The following CEP126 variants were observed in gnomAD, a reference collection of about 807,000 sequenced individuals.
The protein encoded by CEP126 is centrosomal protein of 126 kDa.
Under a neutral mutation model 107.8 loss-of-function variants are expected in CEP126, and 74 were observed. The ratio of observed to expected loss-of-function variants is 0.69; its 90% CI spans 0.57 to 0.83. The LOEUF is 0.83. Among genes scored for constraint, CEP126 ranks in the 40% least tolerant of loss-of-function variants. CEP126 has a pLI of 0.00. For synonymous variants in CEP126, 449 were observed against 446.0 expected (o/e 1.01, Z -0.08); for missense variants, 1,237 against 1,281.9 (o/e 0.96, Z 0.53).
intron 2 of CEP126, among the ~76,000 whole-genome samples, chr11:101,936,680 G>A (rs1940583887): frequency 6.6e-6 from 1 of 152,120 alleles, no homozygotes; most frequent in Non-Finnish European, 1.5e-5. Context: ...CATTAACTAT[G>A]CTGCTAGCTA....
intron 10 of CEP126, among the ~76,000 whole-genome samples, chr11:101,995,509 G>C (rs1941431927): frequency 6.6e-6 from 1 of 152,152 alleles, no homozygotes; most frequent in Non-Finnish European, 1.5e-5. Flanking sequence ...CACTGGTCTA[G>C]AAACAGTGAT....
chr11:101,937,860 T>C (rs1002028076), intron 2 of CEP126, among the ~76,000 whole-genome samples: 12 of 152,062 alleles, frequency 7.9e-5, no homozygotes, highest in African/African-American at 2.9e-4. Context: ...TTTTAAGAAA[T>C]TGGTCCATTT....
chr11:101,937,121 T>A (rs1356100271), intron 2 of CEP126, among the ~76,000 whole-genome samples: 3 of 152,204 alleles, frequency 2.0e-5, no homozygotes, highest in Non-Finnish European at 4.4e-5. Flanking sequence ...TAATTTTATG[T>A]AATATTTTTA....
intron 6 of CEP126, among the ~76,000 whole-genome samples, chr11:101,965,212 A>T (rs1941045119): frequency 6.6e-6 from 1 of 152,230 alleles, no homozygotes; most frequent in Non-Finnish European, 1.5e-5. Flanking sequence ...ACAGTTGCCT[A>T]TTGAGAAATA....
chr11:101,943,301 A>G (rs1295418659), intron 2 of CEP126, among the ~76,000 whole-genome samples: 2 of 151,974 alleles, frequency 1.3e-5, no homozygotes, highest in Non-Finnish European at 2.9e-5. Flanking sequence ...CTATCGCCTG[A>G]AAGTATATAT....
chr11:101,942,464 C>T (rs1940678687), intron 2 of CEP126, among the ~76,000 whole-genome samples: 1 of 151,534 alleles, frequency 6.6e-6, no homozygotes, highest in Admixed American at 6.6e-5. Context: ...CTTTTCTATT[C>T]CATTAGTCTG....
intron 2 of CEP126, among the ~76,000 whole-genome samples, chr11:101,929,056 A>C (rs987163592): frequency 1.3e-5 from 2 of 152,206 alleles, no homozygotes; most frequent in African/African-American, 4.8e-5. Context: ...TTTTAATTCT[A>C]AATTTTTCAT....
chr11:101,984,508 G>GA, intron 8 of CEP126, among the ~76,000 whole-genome samples: 1 of 152,316 alleles, frequency 6.6e-6, no homozygotes, highest in South Asian at 2.1e-4. Context: ...GACCAATGAT[G>GA]AAATAGCCAA....
At chr11:101,923,311 CT>C (rs1940360382) in intron 2 of CEP126, among the ~76,000 whole-genome samples, 1 of 152,074 alleles carries the variant, frequency 6.6e-6, no homozygotes, top group Non-Finnish European at 1.5e-5. Flanking sequence ...GAAAAAGGAG[CT>C]TTCTAGGGTA....
chr11:101,986,425 A>G (rs1426182032), intron 8 of CEP126, among the ~76,000 whole-genome samples: 1 of 152,172 alleles, frequency 6.6e-6, no homozygotes, highest in Non-Finnish European at 1.5e-5. Context: ...CTGATCATCA[A>G]AGTTTCTAAT....
At chr11:101,974,468 T>G (rs995491156) in intron 6 of CEP126, among the ~76,000 whole-genome samples, 5 of 152,124 alleles carry the variant, frequency 3.3e-5, no homozygotes, top group African/African-American at 1.2e-4. Context: ...GGTTTTCAGC[T>G]CAGCATAAGG....
intron 1 of CEP126, among the ~76,000 whole-genome samples, chr11:101,917,241 T>C (rs1307124456): frequency 6.6e-6 from 1 of 152,148 alleles, no homozygotes; most frequent in Non-Finnish European, 1.5e-5. Context: ...AAGTACCTTT[T>C]ATATAAGTTT....
chr11:101,946,608 C>G (rs1940740210), intron 3 of CEP126, among the ~76,000 whole-genome samples: 2 of 152,066 alleles, frequency 1.3e-5, no homozygotes. Context: ...TACCTGTAAT[C>G]CCAGCACTTT....
In CEP126 at chr11:101,999,963, A is replaced by T. The variant is rs1234784595; in HGVS notation, c.*2320A>T. On this transcript the variant is annotated 3_prime_UTR_variant, in exon 11 of 11. Coordinates refer to ENST00000263468, the MANE Select transcript of CEP126 (RefSeq NM_020802.4). ...TTTGGGAGGCCAAGGCAGGCAGATC[A>T]TGAGGTCAAGAGATCAAGACCATCC... is the stretch of plus-strand genomic sequence containing the variant. 5 of 152,394 alleles carry T rather than the reference A, an allele frequency of 3.3e-5. No homozygotes were observed. The highest frequency in any genetic ancestry group is 7.3e-5 in the Non-Finnish European group (5 of 68,246). 9.4% of individuals were successfully genotyped at this position (152,394 alleles called of 1,614,324 possible). A position where few individuals can be genotyped will look rare whatever the true frequency, so the allele number is the denominator to read the frequency against.
At chr11:101,924,201 T>C (rs1217614418) in intron 2 of CEP126, among the ~76,000 whole-genome samples, 1 of 152,188 alleles carries the variant, frequency 6.6e-6, no homozygotes, top group East Asian at 1.9e-4. Flanking sequence ...TACCCTAAAG[T>C]GCAATGTAAA....
chr11:101,963,716 G>T lies in CEP126; in HGVS notation c.2681G>T (p.Gly894Val). The T allele has an allele frequency of 6.2e-7, 1 of 1,613,946 alleles. No homozygotes were observed. Among genetic ancestry groups the T allele is most frequent in the Non-Finnish European group, 8.5e-7 (1 of 1,180,006 alleles). Residue 894 changes from glycine to valine, a missense_variant, in exon 6 of 11, where the codon GGC becomes GTC. This residue lies in a region of CEP126 where 1,134 missense variants were observed against 1,150.5 expected (regional missense o/e 0.99). Coordinates refer to ENST00000263468, the MANE Select transcript of CEP126 (RefSeq NM_020802.4). The part of the protein sequence containing the change: ...QTFAKINHSN[G>V]TQAVARQDAT... ...TTCGCAAAAATAAATCATTCAAATG[G>T]CACTCAAGCAGTTGCCCGGCAAGAT...
In CEP126 at chr11:101,963,385, G is replaced by A. The variant is rs1448600260; in HGVS notation, c.2350G>A (p.Ala784Thr). 7 of 1,614,064 alleles carry A rather than the reference G, an allele frequency of 4.3e-6. No individual in the cohort carries two copies. In the Admixed American group the frequency reaches 1.0e-4, roughly 23 times the overall value. ...RKGAVIQPQSASKVNIFTQAQ... is the reference protein window; with the variant it reads ...RKGAVIQPQSTSKVNIFTQAQ... Reference sequence around the variant, plus strand: ...AGGCGCTGTCATTCAACCACAGTCTGCAAGCAAAGTCAACATATTTACACA... The same window carrying A: ...AGGCGCTGTCATTCAACCACAGTCTACAAGCAAAGTCAACATATTTACACA... Residue 784 changes from alanine (A) to threonine (T), a missense_variant, in exon 6 of 11, where the codon GCA becomes ACA. Coordinates refer to ENST00000263468, the MANE Select transcript of CEP126 (RefSeq NM_020802.4).
At chr11:101,975,532 G>A (rs1941183475) in intron 6 of CEP126, among the ~76,000 whole-genome samples, 1 of 152,134 alleles carries the variant, frequency 6.6e-6, no homozygotes, top group Non-Finnish European at 1.5e-5. Context: ...GTGACCTTGG[G>A]CAAGTTACTT....
chr11:101,971,923 A>G (rs2137119773), intron 6 of CEP126, among the ~76,000 whole-genome samples: 1 of 152,110 alleles, frequency 6.6e-6, no homozygotes, highest in African/African-American at 2.4e-5. Flanking sequence ...AGCCTGGCCA[A>G]CATGGTGAAA....
Sources: gnomAD v4.1 joint callset for allele counts (sites outside exome capture counted in the v4.1 genomes callset) on GRCh38, gnomAD v4.1.1 for gene constraint, gnomAD v4.1.1 regional missense constraint, MANE v1.5 for transcripts, NCBI Gene and HGNC (gene_info 2026-07-23, HGNC 2026-07-21) for gene names.